Variants in USP45 observed in about 807,000 individuals in gnomAD.
USP45 encodes the protein ubiquitin carboxyl-terminal hydrolase 45.
A neutral mutation model predicts 95.8 loss-of-function variants in USP45; 89 were observed. That is an observed-to-expected ratio of 0.93 (90% CI 0.78 to 1.11). The LOEUF (loss-of-function observed/expected upper bound fraction) is 1.11. Among genes scored for constraint, USP45 ranks in the 50% least tolerant of loss-of-function variants. USP45 has a pLI of 0.00. For synonymous variants in USP45, 281 were observed against 316.2 expected, an observed-to-expected ratio of 0.89 and a Z score of 1.18; for missense variants, 898 against 942.5, an observed-to-expected ratio of 0.95 and a Z score of 0.62.
intron 14 of USP45, 41 bp from the exon 15 acceptor site, chr6:99,443,703 T>G (rs1323799265): frequency 7.7e-7 from 1 of 1,294,770 alleles, no homozygotes; most frequent in East Asian, 2.6e-5. Context: ...AATTCCATTT[T>G]ATACATTATC....
chr6:99,506,741 A>T (rs560553975), intron 4 of USP45, among the ~76,000 whole-genome samples: 1 of 152,300 alleles, frequency 6.6e-6, no homozygotes, highest in African/African-American at 2.4e-5. Flanking sequence ...TGACCTGAAA[A>T]GTTTTTACAA....
At chr6:99,464,897 A>G in intron 12 of USP45, 150 bp from the exon 13 acceptor site, 1 of 1,067,404 alleles carries the variant, frequency 9.4e-7, no homozygotes, top group Non-Finnish European at 1.3e-6. Context: ...CCTTGAGAAT[A>G]AAAACCATCA....
intron 13 of USP45, among the ~76,000 whole-genome samples, chr6:99,454,354 C>T (rs1292148240): frequency 6.6e-6 from 1 of 152,068 alleles, no homozygotes; most frequent in African/African-American, 2.4e-5. Context: ...GAATATAAAA[C>T]CACAAGAAGA....
Position 99,438,379 on chromosome 6 carries a change from A to T in USP45, c.2161-980T>A, listed in dbSNP as rs191984285. Among the ~76,000 whole-genome samples, 166 of 152,348 alleles carry T rather than the reference A, an allele frequency of 1.1e-3. 1 individual carries two copies. In the Middle Eastern group the frequency reaches 0.014, roughly 12 times the overall value. On this transcript the variant is annotated intron_variant, in intron 16 of 17. Coordinates refer to ENST00000500704, the MANE Select transcript of USP45 (RefSeq NM_001346022.3). ...TATAAAAGAATAAGCCATAATTTTT[A>T]AAATGGTTACCTATAAGGGGAAGGA... is the stretch of plus-strand genomic sequence containing the variant.
intron 4 of USP45, among the ~76,000 whole-genome samples, chr6:99,505,659 AAC>A (rs1481991324): frequency 1.4e-4 from 21 of 151,732 alleles, no homozygotes; most frequent in East Asian, 3.9e-4. Flanking sequence ...AAAAAAAAAA[AAC>A]ATAATGCATT....
intron 5 of USP45, among the ~76,000 whole-genome samples, chr6:99,494,695 A>G (rs1795922761): frequency 6.6e-6 from 1 of 152,154 alleles, no homozygotes; most frequent in Non-Finnish European, 1.5e-5. Flanking sequence ...GGAGTTCGAG[A>G]CCAGCCTGGC....
intron 1 of USP45, among the ~76,000 whole-genome samples, chr6:99,512,311 A>G (rs1315278342): frequency 3.9e-5 from 6 of 152,154 alleles, no homozygotes; most frequent in Non-Finnish European, 5.9e-5. Context: ...TACCTACCTA[A>G]AAAGCTTCTA....
rs1337363018 is a variant in USP45, at chr6:99,515,420, A to G, written c.-39T>C. ...GCCGGGCCGGGCCGCAGCGTCTACA[A>G]CCTGGGGAGACTGCGCCTGCGCGCT... On this transcript the variant is annotated 5_prime_UTR_variant, in exon 1 of 18. Coordinates refer to ENST00000500704, the MANE Select transcript of USP45 (RefSeq NM_001346022.3). 1 of 152,176 alleles carries G rather than the reference A, an allele frequency of 6.6e-6. No individual in the cohort carries two copies. Among genetic ancestry groups the G allele is most frequent in the Non-Finnish European group, 1.5e-5 (1 of 68,046 alleles). The allele number at this position is 152,176 out of a possible 1,614,324, so 9.4% of individuals were successfully genotyped here.
At chr6:99,441,639 A>C (rs1170751982) in intron 15 of USP45, among the ~76,000 whole-genome samples, 1 of 152,130 alleles carries the variant, frequency 6.6e-6, no homozygotes, top group African/African-American at 2.4e-5. Context: ...AAATGTCTCT[A>C]TCTCAGTTCA....
At chr6:99,473,969 AAAGG>A (rs772932152) in intron 9 of USP45, among the ~76,000 whole-genome samples, 35 of 152,306 alleles carry the variant, frequency 2.3e-4, no homozygotes, top group Admixed American at 1.2e-3. Flanking sequence ...AGGTGGCAGA[AAAGG>A]AATGACACCT....
intron 5 of USP45, among the ~76,000 whole-genome samples, chr6:99,492,517 A>G (rs1328990719): frequency 6.6e-6 from 1 of 150,860 alleles, no homozygotes; most frequent in East Asian, 1.9e-4. Flanking sequence ...TTTTTGAGAT[A>G]GAGTCTTGCT....
Position 99,460,742 on chromosome 6 carries a change from A to G in USP45, c.1308+3862T>C. ...TTTCTTAATTTCTTCCATGTAAATA[A>G]GAGGACTATGATTTTCTGAATATAA... On this transcript the variant is annotated intron_variant, in intron 13 of 17. Coordinates refer to ENST00000500704, the MANE Select transcript of USP45 (RefSeq NM_001346022.3). The G allele has an allele frequency of 6.1e-6, 6 of 977,184 alleles. No individual in the cohort carries two copies. The South Asian group carries it at 1.4e-4, about 23-fold the overall frequency. 60.5% of individuals were successfully genotyped at this position (977,184 alleles called of 1,614,324 possible). A position where few individuals can be genotyped will look rare whatever the true frequency, so the allele number is the denominator to read the frequency against.
In USP45 at chr6:99,507,500, G is replaced by T. The variant is rs1197529154; in HGVS notation, c.305C>A (p.Ser102Ter). 3.7e-5 allele frequency: 59 copies of T among 1,612,900 alleles called. No homozygotes were observed. The highest frequency in any genetic ancestry group is 5.0e-5 in the Non-Finnish European group (59 of 1,179,426). The change falls in exon 4 of 18, where the codon TCA becomes TAA. Residue 102 changes from serine to a stop codon, truncating the protein, a stop_gained. Transcript: ENST00000500704. LOFTEE classifies it high-confidence loss of function. ...GCGKNSESQHSLKHFKSSRTE... is the reference protein window; with the variant it reads ...GCGKNSESQH ...TCTGGAACTCTTAAAGTGCTTCAAT[G>T]AATGTTGGCTTTCTGAGTTTTTACC... is the stretch of plus-strand genomic sequence containing the variant.
At chr6:99,499,824 T>A (rs1797022371) in intron 5 of USP45, among the ~76,000 whole-genome samples, 1 of 152,240 alleles carries the variant, frequency 6.6e-6, no homozygotes, top group Admixed American at 6.5e-5. Flanking sequence ...GATTCCTTTT[T>A]AGTTCCTACA....
chr6:99,487,599 C>T (rs2128726738), intron 7 of USP45, among the ~76,000 whole-genome samples: 1 of 141,704 alleles, frequency 7.1e-6, no homozygotes, highest in East Asian at 2.1e-4. Flanking sequence ...ACCATCCTGG[C>T]TAACATGGTG....
At chr6:99,487,773 C>T (rs545777160) in intron 7 of USP45, among the ~76,000 whole-genome samples, 43 of 152,032 alleles carry the variant, frequency 2.8e-4, no homozygotes, top group African/African-American at 9.4e-4. Flanking sequence ...CCAGCCTGCA[C>T]TCCAGCGACA....
At chr6:99,497,138 C>T (rs1174151208) in intron 5 of USP45, among the ~76,000 whole-genome samples, 3 of 151,998 alleles carry the variant, frequency 2.0e-5, no homozygotes, top group Non-Finnish European at 2.9e-5. Flanking sequence ...TTACTGTCTC[C>T]AGTTTTCTGG....
intron 1 of USP45, among the ~76,000 whole-genome samples, chr6:99,512,817 C>T (rs1800189161): frequency 7.8e-6 from 1 of 128,884 alleles, no homozygotes; most frequent in Non-Finnish European, 1.7e-5. Flanking sequence ...TCCCTCCAAA[C>T]TTCCTCATCT....
At chr6:99,443,458 A>G in intron 15 of USP45, 107 bp downstream of exon 15, 1 of 646,672 alleles carries the variant, frequency 1.5e-6, no homozygotes, top group Non-Finnish European at 2.5e-6. Context: ...ACACATTTTA[A>G]AATGCAATAA....
Sources: allele counts gnomAD v4.1 joint callset (sites outside exome capture counted in the v4.1 genomes callset), GRCh38; gene constraint gnomAD v4.1.1; transcripts MANE v1.5; gene names NCBI Gene and HGNC (gene_info 2026-07-23, HGNC 2026-07-21).